The following UNC5D variants were observed in gnomAD, a reference collection of about 807,000 sequenced individuals.
The protein encoded by UNC5D is netrin receptor UNC5D.
UNC5D carries 39 observed loss-of-function variants against 105.4 expected under a neutral mutation model. The ratio of observed to expected loss-of-function variants is 0.37; its 90% CI spans 0.29 to 0.48. UNC5D has a LOEUF of 0.48. UNC5D is among the 20% of genes least tolerant of loss of function. The pLI is 0.98. For missense variants in UNC5D, 991 were observed against 1,202.4 expected, an observed-to-expected ratio of 0.82 and a Z score of 2.60; for synonymous variants, 452 against 450.4, an observed-to-expected ratio of 1.00 and a Z score of -0.04.
intron 2 of UNC5D, among the ~76,000 whole-genome samples, chr8:35,561,572 G>A (rs140887778): frequency 6.6e-6 from 1 of 152,138 alleles, no homozygotes; most frequent in East Asian, 1.9e-4. Flanking sequence ...TTAAATCATA[G>A]CAAGTTTTGT....
chr8:35,236,400 G>A (rs1585383753), intron 1 of UNC5D, among the ~76,000 whole-genome samples: 1 of 18,754 alleles, frequency 5.3e-5, no homozygotes, highest in East Asian at 1.6e-3. Flanking sequence ...CGCCTAGCTT[G>A]GCACCCCTCG....
Position 35,589,198 on chromosome 8 carries a change from T to C in UNC5D, c.467-6356T>C, listed in dbSNP as rs139048503. 2.9e-3 allele frequency among the ~76,000 whole-genome samples: 436 copies of C among 152,332 alleles called. 5 individuals are homozygous for C. Among genetic ancestry groups the C allele is most frequent in the African/African-American group, 0.01 (425 of 41,584 alleles). On this transcript the variant is annotated intron_variant, in intron 3 of 16. Transcript: ENST00000404895. ...ATGGTAGAGATCATGTACTCCACTC[T>C]ATTTTATTTAGCACTTAATCTGAAT... is the stretch of plus-strand genomic sequence containing the variant.
chr8:35,476,636 A>G (rs1810118823), intron 1 of UNC5D, among the ~76,000 whole-genome samples: 1 of 152,082 alleles, frequency 6.6e-6, no homozygotes, highest in African/African-American at 2.4e-5. Flanking sequence ...CGTTTATTTC[A>G]GAGCTAAGTT....
chr8:35,249,014 A>ATGTT, intron 1 of UNC5D, among the ~76,000 whole-genome samples: 1 of 61,856 alleles, frequency 1.6e-5, no homozygotes, highest in Middle Eastern at 0.013. Flanking sequence ...TATATAATAT[A>ATGTT]TATTATATAT....
chr8:35,397,590 T>C (rs955530225), intron 1 of UNC5D, among the ~76,000 whole-genome samples: 53 of 152,322 alleles, frequency 3.5e-4, no homozygotes, highest in Admixed American at 2.4e-3. Context: ...GAGTAGGTGC[T>C]TTTCAGCTGG....
intron 1 of UNC5D, among the ~76,000 whole-genome samples, chr8:35,438,557 C>T (rs1204362030): frequency 6.6e-6 from 1 of 151,832 alleles, no homozygotes; most frequent in African/African-American, 2.4e-5. Flanking sequence ...TGTCTTTATG[C>T]TCACATTCAC....
At chr8:35,279,931 C>G (rs1228104244) in intron 1 of UNC5D, among the ~76,000 whole-genome samples, 1 of 152,286 alleles carries the variant, frequency 6.6e-6, no homozygotes, top group East Asian at 1.9e-4. Context: ...AGAACACACT[C>G]TCATCAATCA....
intron 1 of UNC5D, among the ~76,000 whole-genome samples, chr8:35,466,806 C>T (rs1809339085): frequency 6.6e-6 from 1 of 152,140 alleles, no homozygotes; most frequent in Non-Finnish European, 1.5e-5. Context: ...ATCTCTGCCT[C>T]ATAGGACTTT....
chr8:35,508,491 T>A (rs900715153), intron 1 of UNC5D, among the ~76,000 whole-genome samples: 2 of 152,228 alleles, frequency 1.3e-5, no homozygotes, highest in Non-Finnish European at 2.9e-5. Flanking sequence ...ATCACTTGCA[T>A]CAAGCTACCG....
At chr8:35,534,814 G>A (rs958724788) in intron 1 of UNC5D, among the ~76,000 whole-genome samples, 4 of 151,844 alleles carry the variant, frequency 2.6e-5, no homozygotes, top group Admixed American at 6.6e-5. Context: ...TGAGAGTTAC[G>A]AGAAAATATA....
intron 1 of UNC5D, among the ~76,000 whole-genome samples, chr8:35,236,362 A>T (rs1802462274): frequency 7.0e-6 from 1 of 142,276 alleles, no homozygotes; most frequent in Non-Finnish European, 1.6e-5. Flanking sequence ...TAGGGGAGGA[A>T]CACCCATGCT....
At chr8:35,726,082 G>A in intron 9 of UNC5D, 70 bp from the exon 10 acceptor site, 1 of 1,529,546 alleles carries the variant, frequency 6.5e-7, no homozygotes, top group Non-Finnish European at 8.8e-7. Flanking sequence ...GCAGTTTGCA[G>A]AGGCAGAAGT....
Position 35,792,854 on chromosome 8 carries a change from G to T in UNC5D, c.*2291G>T. The T allele has an allele frequency of 2.9e-6, 1 of 344,798 alleles. No homozygotes were observed. 21.4% of individuals were successfully genotyped at this position (344,798 alleles called of 1,614,324 possible). On this transcript the variant is annotated 3_prime_UTR_variant, in exon 17 of 17. Transcript: ENST00000404895. ...TTTTTAGATGTTTGATACATTTTAAGTATTTTTAAATAGATGAAAATTCTA... is the reference window on the plus strand; with the variant it reads ...TTTTTAGATGTTTGATACATTTTAATTATTTTTAAATAGATGAAAATTCTA...
At chr8:35,633,867 C>G (rs1386680202) in intron 4 of UNC5D, among the ~76,000 whole-genome samples, 2 of 152,100 alleles carry the variant, frequency 1.3e-5, no homozygotes, top group Non-Finnish European at 2.9e-5. Context: ...GAGCCTGAGC[C>G]AGGAATAAGG....
chr8:35,255,110 G>A (rs1238384678), intron 1 of UNC5D: 1 of 152,142 alleles, frequency 6.6e-6, no homozygotes, highest in Non-Finnish European at 1.5e-5. Context: ...GTCTCTGCTG[G>A]TTTCTCTTAG....
At chr8:35,760,786 T>TA (rs1232543758) in intron 14 of UNC5D, among the ~76,000 whole-genome samples, 1 of 151,948 alleles carries the variant, frequency 6.6e-6, no homozygotes, top group Non-Finnish European at 1.5e-5. Context: ...TTTTTTTTTT[T>TA]TAACTATAGA....
In UNC5D at chr8:35,774,243, T is replaced by C. The variant is rs574752500; in HGVS notation, c.2479-56T>C. On this transcript the variant is annotated intron_variant, in intron 15 of 16. Transcript: ENST00000404895. ...CAGATTTTCTTAAAAAATGAAAGTGTTGGTCAGGACTGCTTTCAGATAGAT... is the reference window on the plus strand; with the variant it reads ...CAGATTTTCTTAAAAAATGAAAGTGCTGGTCAGGACTGCTTTCAGATAGAT... 13 of 1,586,246 alleles carry C rather than the reference T, an allele frequency of 8.2e-6. No individual in the cohort carries two copies. The South Asian group carries it at 1.5e-4, about 18-fold the overall frequency.
intron 1 of UNC5D, among the ~76,000 whole-genome samples, chr8:35,298,285 T>G (rs903575534): frequency 2.0e-5 from 3 of 152,198 alleles, no homozygotes; most frequent in Non-Finnish European, 4.4e-5. Flanking sequence ...TCCAGTTTTC[T>G]CCCACTCTTA....
intron 1 of UNC5D, among the ~76,000 whole-genome samples, chr8:35,499,225 C>A (rs1054518258): frequency 6.6e-6 from 1 of 152,226 alleles, no homozygotes; most frequent in Admixed American, 6.5e-5. Flanking sequence ...TATCCTCCTG[C>A]CAGTTTGCAA....
Sources: allele counts gnomAD v4.1 joint callset (sites outside exome capture counted in the v4.1 genomes callset), GRCh38; gene constraint gnomAD v4.1.1; transcripts MANE v1.5; gene names NCBI Gene and HGNC (gene_info 2026-07-23, HGNC 2026-07-21).